Variants in EYS observed in about 807,000 individuals in gnomAD.
EYS encodes the protein protein eyes shut homolog.
A neutral mutation model predicts 282.1 loss-of-function variants in EYS; 250 were observed. That is an observed-to-expected ratio of 0.89 (90% CI 0.80 to 0.98). The LOEUF is 0.98. Among genes scored for constraint, EYS ranks in the 50% least tolerant of loss-of-function variants. The pLI, the probability that EYS is intolerant of heterozygous loss-of-function variation, is 0.00. For missense variants in EYS, 4,016 were observed against 3,709.0 expected (o/e 1.08, Z -2.15); for synonymous variants, 1,355 against 1,282.9 (o/e 1.06, Z -1.20).
At chr6:65,604,810 T>C (rs1765727918) in intron 2 of EYS, among the ~76,000 whole-genome samples, 1 of 151,202 alleles carries the variant, frequency 6.6e-6, no homozygotes, top group African/African-American at 2.4e-5. Flanking sequence ...TCAATGATGT[T>C]CATTGTAAAA....
At chr6:64,484,805 G>A (rs1214506363) in intron 26 of EYS, among the ~76,000 whole-genome samples, 1 of 151,452 alleles carries the variant, frequency 6.6e-6, no homozygotes, top group Non-Finnish European at 1.5e-5. Flanking sequence ...ACTCTCCAGA[G>A]ACTAAATGAG....
At chr6:65,535,385 A>G (rs1767926492) in intron 2 of EYS, among the ~76,000 whole-genome samples, 3 of 152,084 alleles carry the variant, frequency 2.0e-5, no homozygotes, top group South Asian at 4.1e-4. Flanking sequence ...TTCTCATGGT[A>G]GTGAATAAGT....
intron 28 of EYS, among the ~76,000 whole-genome samples, chr6:64,398,014 T>C (rs577272602): frequency 6.3e-5 from 5 of 79,570 alleles, no homozygotes; most frequent in Non-Finnish European, 1.5e-4. Flanking sequence ...TACACAGGTA[T>C]TTTTCTGGTC....
intron 26 of EYS, among the ~76,000 whole-genome samples, chr6:64,532,475 G>A (rs188870739): frequency 1.3e-5 from 2 of 151,906 alleles, no homozygotes; most frequent in Non-Finnish European, 2.9e-5. Context: ...TTTGGGAGGC[G>A]GAGGCGAGCG....
intron 31 of EYS, among the ~76,000 whole-genome samples, chr6:64,137,282 T>C (rs908836343): frequency 6.6e-6 from 1 of 152,172 alleles, no homozygotes; most frequent in African/African-American, 2.4e-5. Context: ...GTTTGATCCA[T>C]CTGGACCAAA....
chr6:65,183,895 C>T (rs1034917814), intron 12 of EYS, among the ~76,000 whole-genome samples: 7 of 151,792 alleles, frequency 4.6e-5, no homozygotes, highest in African/African-American at 1.7e-4. Flanking sequence ...CATCCTCCTC[C>T]CCAAACAAAC....
intron 35 of EYS, among the ~76,000 whole-genome samples, chr6:63,883,756 G>A (rs1773192178): frequency 6.6e-6 from 1 of 152,098 alleles, no homozygotes; most frequent in African/African-American, 2.4e-5. Context: ...TTTTTAATTT[G>A]CATACAGTCT....
intron 2 of EYS, among the ~76,000 whole-genome samples, chr6:65,544,565 C>T (rs1377933853): frequency 1.3e-5 from 2 of 152,102 alleles, no homozygotes; most frequent in East Asian, 3.9e-4. Flanking sequence ...AATGTGTTCA[C>T]TTCCCCTTCC....
chr6:64,687,514 G>A (rs1770201565), intron 22 of EYS, among the ~76,000 whole-genome samples: 1 of 152,130 alleles, frequency 6.6e-6, no homozygotes, highest in African/African-American at 2.4e-5. Flanking sequence ...TTATATGATG[G>A]ATTACATTTA....
chr6:65,514,759 C>A (rs978071168), intron 2 of EYS, among the ~76,000 whole-genome samples: 1 of 152,152 alleles, frequency 6.6e-6, no homozygotes, highest in African/African-American at 2.4e-5. Context: ...GAAACTGGAT[C>A]CCTTCCTTAC....
chr6:65,005,576 C>G lies in EYS; in HGVS notation c.2138-7873G>C, dbSNP rs1220411863. Among the ~76,000 whole-genome samples the G allele has an allele frequency of 1.4e-5, 2 of 147,542 alleles. 1 individual carries two copies. Among genetic ancestry groups the G allele is most frequent in the Non-Finnish European group, 3.0e-5 (2 of 65,822 alleles). ...TATTCTGTCCTATCCTTCCTTAGAACTGGAGGAAAATACCGGGCACCTGTC... is the reference window on the plus strand; with the variant it reads ...TATTCTGTCCTATCCTTCCTTAGAAGTGGAGGAAAATACCGGGCACCTGTC... On this transcript the variant is annotated intron_variant, in intron 13 of 42. Coordinates refer to ENST00000503581, the MANE Select transcript of EYS (RefSeq NM_001142800.2).
In EYS at chr6:65,025,009, A is replaced by G. The variant is rs527974590; in HGVS notation, c.2138-27306T>C. ...AAATACCTCTACCTTATTCTCATATAATGAAACTCTTCTTATGTATGAAAA... is the reference window on the plus strand; with the variant it reads ...AAATACCTCTACCTTATTCTCATATGATGAAACTCTTCTTATGTATGAAAA... On this transcript the variant is annotated intron_variant, in intron 13 of 42. Coordinates refer to ENST00000503581, the MANE Select transcript of EYS (RefSeq NM_001142800.2). Among the ~76,000 whole-genome samples, 8 of 152,322 alleles carry G rather than the reference A, an allele frequency of 5.3e-5. 1 individual carries two copies. The highest frequency in any genetic ancestry group is 1.4e-4 in the African/African-American group (6 of 41,586).
intron 26 of EYS, among the ~76,000 whole-genome samples, chr6:64,439,601 C>T (rs4710478): frequency 0.24 from 36,529 of 151,500 alleles, 4,938 homozygotes; most frequent in East Asian, 0.39. Context: ...TTCAACACTG[C>T]TTTTACTTAG....
intron 34 of EYS, among the ~76,000 whole-genome samples, chr6:63,990,155 G>T (rs1334482323): frequency 6.6e-6 from 1 of 151,550 alleles, no homozygotes; most frequent in Non-Finnish European, 1.5e-5. Context: ...AATATAATTT[G>T]GGGAATTAAA....
At chr6:63,954,956 C>G (rs1765751567) in intron 35 of EYS, among the ~76,000 whole-genome samples, 1 of 152,162 alleles carries the variant, frequency 6.6e-6, no homozygotes, top group Non-Finnish European at 1.5e-5. Flanking sequence ...TACTACTCCT[C>G]AGGGATTGTT....
At chr6:65,079,823 T>C (rs1774175407) in intron 12 of EYS, among the ~76,000 whole-genome samples, 1 of 152,090 alleles carries the variant, frequency 6.6e-6, no homozygotes, top group Admixed American at 6.6e-5. Flanking sequence ...TCCCTTATTG[T>C]TTCCCAAAAA....
At chr6:64,796,684 T>C (rs1281818753) in intron 22 of EYS, among the ~76,000 whole-genome samples, 1 of 152,146 alleles carries the variant, frequency 6.6e-6, no homozygotes, top group Non-Finnish European at 1.5e-5. Flanking sequence ...GGTCAAGTAC[T>C]GTACGTTGAG....
intron 18 of EYS, among the ~76,000 whole-genome samples, chr6:64,887,717 AC>A (rs1303049370): frequency 6.6e-6 from 1 of 152,086 alleles, no homozygotes; most frequent in Non-Finnish European, 1.5e-5. Flanking sequence ...TGAGCGCCAG[AC>A]ATTAGTCATG....
chr6:64,821,588 A>AT, intron 21 of EYS, 57 bp downstream of exon 21: 1 of 919,180 alleles, frequency 1.1e-6, no homozygotes, highest in Non-Finnish European at 1.7e-6. Context: ...AAGCAATTTG[A>AT]TTTTTCTTTT....
Sources: gnomAD v4.1 joint callset for allele counts (sites outside exome capture counted in the v4.1 genomes callset) on GRCh38, gnomAD v4.1.1 for gene constraint, MANE v1.5 for transcripts, NCBI Gene and HGNC (gene_info 2026-07-23, HGNC 2026-07-21) for gene names.